Variants in ROBO1 observed in about 807,000 individuals in gnomAD.
ROBO1 encodes roundabout guidance receptor 1, also known as roundabout homolog 1.
A neutral mutation model predicts 195.9 loss-of-function variants in ROBO1; 149 were observed. The ratio of observed to expected loss-of-function variants is 0.76; its 90% CI spans 0.67 to 0.87. The LOEUF is 0.87. ROBO1 is among the 40% of genes least tolerant of loss of function. ROBO1 has a pLI of 0.00. For missense variants in ROBO1, 1,933 were observed against 2,068.3 expected, an observed-to-expected ratio of 0.93 and a Z score of 1.27; for synonymous variants, 816 against 733.2, an observed-to-expected ratio of 1.11 and a Z score of -1.82.
intron 2 of ROBO1, among the ~76,000 whole-genome samples, chr3:79,441,164 T>A: frequency 6.6e-6 from 1 of 152,132 alleles, no homozygotes; most frequent in East Asian, 1.9e-4. Context: ...ATTTAGAGTA[T>A]ATTACATTTA....
chr3:79,059,614 A>T (rs893344485), intron 3 of ROBO1, among the ~76,000 whole-genome samples: 2 of 152,048 alleles, frequency 1.3e-5, no homozygotes, highest in African/African-American at 4.8e-5. Flanking sequence ...TAGTTCCCCC[A>T]AATTAATACT....
intron 3 of ROBO1, among the ~76,000 whole-genome samples, chr3:79,071,501 C>A (rs1275982788): frequency 6.6e-6 from 1 of 151,746 alleles, no homozygotes; most frequent in Admixed American, 6.6e-5. Flanking sequence ...TTTAAAACTT[C>A]AGTTACTCAC....
In ROBO1 at chr3:78,660,995, C is replaced by A. The variant is rs78510504; in HGVS notation, c.2320+35G>T. ...TAATAAAATTCTAACAAATATACTGCAATGCATGGAAATCAAACGCTTCAT... is the reference window on the plus strand; with the variant it reads ...TAATAAAATTCTAACAAATATACTGAAATGCATGGAAATCAAACGCTTCAT... On this transcript the variant is annotated intron_variant, in intron 16 of 30. Coordinates refer to ENST00000464233, the MANE Select transcript of ROBO1 (RefSeq NM_002941.4). 166 of 1,375,350 alleles carry A rather than the reference C, an allele frequency of 1.2e-4. No homozygotes were observed. In the African/African-American group the frequency reaches 2.2e-3, roughly 19 times the overall value. The allele number at this position is 1,375,350 out of a possible 1,614,324, so 85.2% of individuals were successfully genotyped here.
intron 1 of ROBO1, among the ~76,000 whole-genome samples, chr3:79,651,005 T>G (rs983203742): frequency 1.3e-5 from 2 of 152,104 alleles, no homozygotes; most frequent in Non-Finnish European, 2.9e-5. Flanking sequence ...ATGGATATTT[T>G]GGGCTAATTT....
intron 2 of ROBO1, among the ~76,000 whole-genome samples, chr3:79,193,930 T>C (rs978682501): frequency 6.6e-6 from 1 of 151,664 alleles, no homozygotes; most frequent in African/African-American, 2.4e-5. Flanking sequence ...GTCAAATGTG[T>C]ACACCGATGT....
chr3:79,051,068 C>G (rs1470233359), intron 3 of ROBO1, among the ~76,000 whole-genome samples: 2 of 152,006 alleles, frequency 1.3e-5, no homozygotes, highest in Non-Finnish European at 2.9e-5. Context: ...CAGAGCAGAA[C>G]TGAAGGAGAT....
At chr3:78,852,541 T>G (rs1257171062) in intron 4 of ROBO1, among the ~76,000 whole-genome samples, 3 of 152,160 alleles carry the variant, frequency 2.0e-5, no homozygotes, top group Non-Finnish European at 4.4e-5. Flanking sequence ...TTGTAATTTT[T>G]CATTAGAATC....
intron 1 of ROBO1, among the ~76,000 whole-genome samples, chr3:79,609,546 G>T (rs1944591313): frequency 6.6e-6 from 1 of 151,868 alleles, no homozygotes; most frequent in African/African-American, 2.4e-5. Context: ...AAAAATATTT[G>T]TACATTCACA....
intron 2 of ROBO1, among the ~76,000 whole-genome samples, chr3:79,282,904 G>A (rs2031620264): frequency 2.0e-5 from 3 of 152,040 alleles, no homozygotes; most frequent in African/African-American, 7.2e-5. Context: ...TAAATAAAAT[G>A]CCAAAAATAT....
rs573134240 is a variant in ROBO1, at chr3:78,847,818, C to G, written c.499+90783G>C. ...CTCATCTTGGTCTAGAAATTCTTCA[C>G]CATTCATTTGCAATGAGTCAGGCTT... On this transcript the variant is annotated intron_variant, in intron 4 of 30. Transcript: ENST00000464233. Among the ~76,000 whole-genome samples, 3 of 152,220 alleles carry G rather than the reference C, an allele frequency of 2.0e-5. No homozygotes were observed. The South Asian group carries it at 6.2e-4, about 32-fold the overall frequency.
rs71631648 is a variant in ROBO1, at chr3:79,395,340, A to AAAAAAAGAAAGAAAGAAAG, written c.88+194483_88+194484insCTTTCTTTCTTTCTTTTTT. Among the ~76,000 whole-genome samples the AAAAAAAGAAAGAAAGAAAG allele has an allele frequency of 2.6e-3, 305 of 118,992 alleles. 1 individual carries two copies. Among genetic ancestry groups the AAAAAAAGAAAGAAAGAAAG allele is most frequent in the Middle Eastern group, 0.011 (2 of 188 alleles). The allele number at this position is 118,992 out of a possible 152,430, so 78.1% of individuals were successfully genotyped here. On this transcript the variant is annotated intron_variant, in intron 2 of 30. Transcript: ENST00000464233. ...CCGTCTCAAAAAAAAAAAAAAAAAA[A>AAAAAAAGAAAGAAAGAAAG]AAAGAAAGAAAGAAAGAAAGAAAGA...
At chr3:79,548,968 G>A (rs753819842) in intron 2 of ROBO1, among the ~76,000 whole-genome samples, 1 of 152,132 alleles carries the variant, frequency 6.6e-6, no homozygotes, top group Non-Finnish European at 1.5e-5. Flanking sequence ...AGAATCTGGG[G>A]TCATTGCCAG....
chr3:78,812,752 A>G (rs2084780696), intron 4 of ROBO1, among the ~76,000 whole-genome samples: 1 of 152,114 alleles, frequency 6.6e-6, no homozygotes, highest in Admixed American at 6.6e-5. Context: ...AACGATACTA[A>G]ATTAATATTC....
At chr3:79,712,847 C>A (rs979656826) in intron 1 of ROBO1, among the ~76,000 whole-genome samples, 1 of 152,042 alleles carries the variant, frequency 6.6e-6, no homozygotes, top group Non-Finnish European at 1.5e-5. Flanking sequence ...AAGAATGATG[C>A]TAAATCTATT....
At chr3:79,477,192 AGG>A (rs1327452927) in intron 2 of ROBO1, among the ~76,000 whole-genome samples, 2 of 152,160 alleles carry the variant, frequency 1.3e-5, no homozygotes, top group African/African-American at 4.8e-5. Flanking sequence ...ACTTCAAGCA[AGG>A]TAAGTGGTAA....
intron 2 of ROBO1, among the ~76,000 whole-genome samples, chr3:79,310,838 T>C (rs554656535): frequency 6.6e-6 from 1 of 152,306 alleles, no homozygotes; most frequent in Non-Finnish European, 1.5e-5. Flanking sequence ...TGTAATGCAT[T>C]TTCTGAAATC....
chr3:79,354,468 A>G (rs1341292726), intron 2 of ROBO1, among the ~76,000 whole-genome samples: 2 of 152,068 alleles, frequency 1.3e-5, no homozygotes, highest in South Asian at 2.1e-4. Flanking sequence ...TTGTATCCCT[A>G]TCATTCCACT....
At chr3:79,345,685 G>A (rs1424868769) in intron 2 of ROBO1, among the ~76,000 whole-genome samples, 1 of 152,070 alleles carries the variant, frequency 6.6e-6, no homozygotes, top group African/African-American at 2.4e-5. Flanking sequence ...ATCATGATAT[G>A]ATGCAGCTTG....
intron 2 of ROBO1, among the ~76,000 whole-genome samples, chr3:79,484,505 G>A (rs1004999253): frequency 6.6e-6 from 1 of 151,220 alleles, no homozygotes; most frequent in Non-Finnish European, 1.5e-5. Flanking sequence ...ATATATATAT[G>A]TGTGTGTGTG....
Sources: allele counts gnomAD v4.1 joint callset (sites outside exome capture counted in the v4.1 genomes callset), GRCh38; gene constraint gnomAD v4.1.1; transcripts MANE v1.5; gene names NCBI Gene and HGNC (gene_info 2026-07-23, HGNC 2026-07-21).